The following FAM200B variants were observed in gnomAD, a reference collection of about 807,000 sequenced individuals.
FAM200B encodes zinc finger BED-type containing 11, also known as protein FAM200B.
In FAM200B, 32 loss-of-function variants were observed where a neutral mutation model predicts 33.1. The ratio of observed to expected loss-of-function variants is 0.97; its 90% CI spans 0.73 to 1.30. The LOEUF is 1.30. Ranked by LOEUF, FAM200B falls within the 50% of genes most tolerant of loss-of-function variation. The pLI is 0.00. For missense variants in FAM200B, 741 were observed against 754.0 expected (o/e 0.98, Z 0.20); for synonymous variants, 240 against 264.8 (o/e 0.91, Z 0.91).
the FAM200B span, among the ~76,000 whole-genome samples, chr4:15,675,680 C>A: frequency 6.8e-6 from 1 of 147,782 alleles, no homozygotes; most frequent in South Asian, 2.1e-4. Flanking sequence ...CTCCCAGGTT[C>A]GAGCAATTCT....
chr4:15,674,444 A>G, the FAM200B span, among the ~76,000 whole-genome samples: 1 of 152,132 alleles, frequency 6.6e-6, no homozygotes, highest in Admixed American at 6.6e-5. Flanking sequence ...ACTTTAAATA[A>G]AATGTCCCCC....
At chr4:15,647,272 A>AAACAACAACAAC in the FAM200B span, among the ~76,000 whole-genome samples, 1 of 141,084 alleles carries the variant, frequency 7.1e-6, no homozygotes, top group East Asian at 2.1e-4. Context: ...AAATAAAAAT[A>AAACAACAACAAC]AACAACAACA....
At chr4:15,655,157 C>T in the FAM200B span, 1 of 1,331,820 alleles carries the variant, frequency 7.5e-7, no homozygotes, top group Non-Finnish European at 9.9e-7. Context: ...GCCCGCTCCC[C>T]ATCGCCGCCC....
chr4:15,663,857 A>G, the FAM200B span, among the ~76,000 whole-genome samples: 3 of 152,158 alleles, frequency 2.0e-5, no homozygotes, highest in South Asian at 6.2e-4. Context: ...TCTCATTTTC[A>G]TCACTGTTCA....
chr4:15,681,549 T>C (rs1028751801), upstream of FAM200B: 6 of 154,886 alleles, frequency 3.9e-5, no homozygotes, highest in Admixed American at 3.9e-4. Context: ...TTCTCCGCGG[T>C]GTCTCCTAGG....
the FAM200B span, among the ~76,000 whole-genome samples, chr4:15,640,161 C>T: frequency 6.6e-6 from 1 of 152,102 alleles, no homozygotes; most frequent in South Asian, 2.1e-4. Flanking sequence ...TCACCTCAAG[C>T]TCCCAAGTAG....
At chr4:15,660,564 A>C in the FAM200B span, among the ~76,000 whole-genome samples, 3 of 152,202 alleles carry the variant, frequency 2.0e-5, no homozygotes, top group Non-Finnish European at 4.4e-5. Context: ...TTCTAATCCC[A>C]CTTCTCACTA....
the FAM200B span, chr4:15,655,456 T>A: frequency 1.2e-5 from 11 of 903,982 alleles, no homozygotes; most frequent in South Asian, 5.2e-5. Flanking sequence ...GCCGCCGCCA[T>A]GCGATCCCTG....
intron 1 of FAM200B, among the ~76,000 whole-genome samples, chr4:15,685,320 G>A (rs1718735058): frequency 6.6e-6 from 1 of 152,152 alleles, no homozygotes; most frequent in Non-Finnish European, 1.5e-5. Context: ...GGGTCAATGG[G>A]GAGAGGAAGT....
At chr4:15,658,182 A>T in the FAM200B span, among the ~76,000 whole-genome samples, 2 of 152,232 alleles carry the variant, frequency 1.3e-5, no homozygotes, top group Non-Finnish European at 2.9e-5. Flanking sequence ...TGAGTATGTG[A>T]CACAGCACTT....
rs1427669500 is a variant in FAM200B at position 15,689,507 on chromosome 4, C to G, written c.*556C>G. On this transcript the variant is annotated 3_prime_UTR_variant, in exon 2 of 2. Transcript: ENST00000422728. ...ACTTTCCCCTCACTGGGCATGGTGG[C>G]TCAGACCTGTAATCCCCGCACTTTG... 1 of 167,036 alleles carries G rather than the reference C, an allele frequency of 6.0e-6. No individual in the cohort carries two copies. The highest frequency in any genetic ancestry group is 2.4e-5 in the African/African-American group (1 of 41,450). The allele number at this position is 167,036 out of a possible 1,614,324, so 10.3% of individuals were successfully genotyped here.
At chr4:15,647,272 A>AAAC in the FAM200B span, among the ~76,000 whole-genome samples, 139,909 of 141,076 alleles carry the variant, frequency 0.99, 69,379 homozygotes, top group Non-Finnish European at 1. Context: ...AAATAAAAAT[A>AAAC]AACAACAACA....
At chr4:15,673,789 T>G in the FAM200B span, among the ~76,000 whole-genome samples, 1 of 152,164 alleles carries the variant, frequency 6.6e-6, no homozygotes, top group Non-Finnish European at 1.5e-5. Flanking sequence ...CTGCACTGGT[T>G]TCACCAGGCT....
the FAM200B span, among the ~76,000 whole-genome samples, chr4:15,649,579 A>C: frequency 3.2e-5 from 2 of 62,682 alleles, no homozygotes; most frequent in South Asian, 7.6e-4. Context: ...ACTACGTCTC[A>C]AAAAAAAAAA....
At chr4:15,673,389 C>A in the FAM200B span, among the ~76,000 whole-genome samples, 6 of 151,744 alleles carry the variant, frequency 4.0e-5, no homozygotes, top group African/African-American at 7.3e-5. Flanking sequence ...TGCAGTGAGC[C>A]AAGATTGCAC....
In FAM200B at chr4:15,681,845, G is replaced by T. The variant is rs989190142; in HGVS notation, c.-799G>T. On this transcript the variant is annotated 5_prime_UTR_variant, in exon 1 of 2. Coordinates refer to ENST00000422728, the MANE Select transcript of FAM200B (RefSeq NM_001145191.2). ...GGAGAGCAGAGGCGCAGCTCTGCTG[G>T]AGAGACCTGAGGCTTGCAGCGCTGG... 1.3e-5 allele frequency: 2 copies of T among 152,938 alleles called. No individual in the cohort carries two copies. Among genetic ancestry groups the T allele is most frequent in the African/African-American group, 4.8e-5 (2 of 41,484 alleles). The allele number at this position is 152,938 out of a possible 1,614,324, so 9.5% of individuals were successfully genotyped here.
chr4:15,684,182 G>T (rs17405811), intron 1 of FAM200B, among the ~76,000 whole-genome samples: 56,627 of 152,008 alleles, frequency 0.37, 10,990 homozygotes, highest in Non-Finnish European at 0.41. Context: ...TTTGGTGTTT[G>T]GGCCAGCAGA....
the FAM200B span, among the ~76,000 whole-genome samples, chr4:15,663,518 C>G: frequency 3.9e-5 from 6 of 152,174 alleles, no homozygotes; most frequent in African/African-American, 1.4e-4. Context: ...CAGGGTAAAA[C>G]AGAACCTCTT....
chr4:15,644,409 T>C, the FAM200B span: 1 of 1,089,620 alleles, frequency 9.2e-7, no homozygotes, highest in South Asian at 1.4e-5. Flanking sequence ...CATCATTTAC[T>C]ATAAAACAGT....
Sources: allele counts gnomAD v4.1 joint callset (sites outside exome capture counted in the v4.1 genomes callset), GRCh38; gene constraint gnomAD v4.1.1; transcripts MANE v1.5; gene names NCBI Gene and HGNC (gene_info 2026-07-23, HGNC 2026-07-21).